The following KRTAP5-7 variants were observed in gnomAD, a reference collection of about 807,000 sequenced individuals.
The protein encoded by KRTAP5-7 is keratin-associated protein 5-7.
Under a neutral mutation model 2.4 loss-of-function variants are expected in KRTAP5-7, and 1 was observed. The ratio of observed to expected loss-of-function variants is 0.42; its 90% CI spans 0.15 to 2.01. KRTAP5-7 has a LOEUF of 2.01. Ranked by LOEUF, KRTAP5-7 falls within the 30% of genes most tolerant of loss-of-function variation. The pLI is 0.29. For missense variants in KRTAP5-7, 161 were observed against 200.8 expected, an observed-to-expected ratio of 0.80 and a Z score of 1.20; for synonymous variants, 55 against 80.8, an observed-to-expected ratio of 0.68 and a Z score of 1.71.
chr11:71,527,383 G>C lies in KRTAP5-7; in HGVS notation c.83G>C (p.Cys28Ser). 5 of 1,612,078 alleles carry C rather than the reference G, an allele frequency of 3.1e-6. No homozygotes were observed. Among genetic ancestry groups the C allele is most frequent in the Non-Finnish European group, 4.2e-6 (5 of 1,179,418 alleles). The change falls in exon 1 of 1, where the codon TGT (cysteine) becomes TCT (serine). Residue 28 changes from cysteine (C) to serine (S), a missense_variant. Coordinates refer to ENST00000398536, the MANE Select transcript of KRTAP5-7 (RefSeq NM_001012503.2). ...GGCTGTGGGGGCTGTGGCTCTGGCT[G>C]TGGGGGATGTGGCTCCAGCTGCTGT... is the stretch of plus-strand genomic sequence containing the variant. ...GSGCGGCGSG[C>S]GGCGSSCCVP...
In KRTAP5-7 at chr11:71,527,929, T is replaced by C; in HGVS notation, c.*131T>C. On this transcript the variant is annotated 3_prime_UTR_variant, in exon 1 of 1. Coordinates refer to ENST00000398536, the MANE Select transcript of KRTAP5-7 (RefSeq NM_001012503.2). The stretch of plus-strand genomic sequence containing the variant: ...ACTATAAGATGAAGCCATATCTGCC[T>C]GCCTTTTCCTAAGGAGAGTCCACCC... 2 of 1,512,464 alleles carry C rather than the reference T, an allele frequency of 1.3e-6. No homozygotes were observed. Among genetic ancestry groups the C allele is most frequent in the East Asian group, 2.3e-5 (1 of 44,114 alleles). 93.7% of individuals were successfully genotyped at this position (1,512,464 alleles called of 1,614,324 possible).
chr11:71,527,819 T>G lies in KRTAP5-7; in HGVS notation c.*21T>G. Reference sequence around the variant, plus strand: ...TCTGAGGCTCTGGACTCAGGTCTCATGTGAGTCCTGCTAACCCCATTTTCC... The same window carrying G: ...TCTGAGGCTCTGGACTCAGGTCTCAGGTGAGTCCTGCTAACCCCATTTTCC... On this transcript the variant is annotated 3_prime_UTR_variant, in exon 1 of 1. Transcript: ENST00000398536. The G allele has an allele frequency of 6.2e-7, 1 of 1,614,112 alleles. No individual in the cohort carries two copies. The highest frequency in any genetic ancestry group is 8.5e-7 in the Non-Finnish European group (1 of 1,179,980).
rs1950005011 is a variant in KRTAP5-7, at chr11:71,528,208, A to T, written c.*410A>T. 3.7e-6 allele frequency: 1 copy of T among 270,820 alleles called. No individual in the cohort carries two copies. Among genetic ancestry groups the T allele is most frequent in the Non-Finnish European group, 7.5e-6 (1 of 134,024 alleles). 16.8% of individuals were successfully genotyped at this position (270,820 alleles called of 1,614,324 possible). ...ACACTCTGCTTTATCTTAAATGAAA[A>T]GTTGCAAACTAATAAAAATACCATG... On this transcript the variant is annotated 3_prime_UTR_variant, in exon 1 of 1. Coordinates refer to ENST00000398536, the MANE Select transcript of KRTAP5-7 (RefSeq NM_001012503.2).
In KRTAP5-7 at chr11:71,527,900, C is replaced by T. The variant is rs779044258; in HGVS notation, c.*102C>T. 14 of 1,581,760 alleles carry T rather than the reference C, an allele frequency of 8.9e-6. No individual in the cohort carries two copies. Among genetic ancestry groups the T allele is most frequent in the Non-Finnish European group, 1.2e-5 (14 of 1,160,706 alleles). On this transcript the variant is annotated 3_prime_UTR_variant, in exon 1 of 1. Transcript: ENST00000398536. ...CCCAAACCACTGCTCAGGGTCCATTCCTCACTATAAGATGAAGCCATATCT... is the reference window on the plus strand; with the variant it reads ...CCCAAACCACTGCTCAGGGTCCATTTCTCACTATAAGATGAAGCCATATCT...
Position 71,527,362 on chromosome 11 carries a change from G to T in KRTAP5-7, c.62G>T (p.Cys21Phe). The change falls in exon 1 of 1, where the codon TGT (cysteine) becomes TTT (phenylalanine). Residue 21 changes from cysteine (C) to phenylalanine (F), a missense_variant. Physicochemically the swap from Cys to Phe is radical, Grantham distance 205. Transcript: ENST00000398536. Reference protein sequence around the residue: ...GSGCGGCGSGCGGCGSGCGGC... With the variant: ...GSGCGGCGSGFGGCGSGCGGC... ...GGCTGTGGGGGCTGTGGCTCCGGCTGTGGGGGCTGTGGCTCTGGCTGTGGG... is the reference window on the plus strand; with the variant it reads ...GGCTGTGGGGGCTGTGGCTCCGGCTTTGGGGGCTGTGGCTCTGGCTGTGGG... 2 of 1,611,870 alleles carry T rather than the reference G, an allele frequency of 1.2e-6. No individual in the cohort carries two copies. Among genetic ancestry groups the T allele is most frequent in the African/African-American group, 2.7e-5 (2 of 74,954 alleles).
rs1176955467 is a variant in KRTAP5-7, at chr11:71,527,887, C to T, written c.*89C>T. ...TTCATCGTTGAGCCCCAAACCACTG[C>T]TCAGGGTCCATTCCTCACTATAAGA... On this transcript the variant is annotated 3_prime_UTR_variant, in exon 1 of 1. Coordinates refer to ENST00000398536, the MANE Select transcript of KRTAP5-7 (RefSeq NM_001012503.2). 2 of 1,593,666 alleles carry T rather than the reference C, an allele frequency of 1.3e-6. No homozygotes were observed. Among genetic ancestry groups the T allele is most frequent in the East Asian group, 2.2e-5 (1 of 44,746 alleles).
rs1269921892 is a variant in KRTAP5-7, at chr11:71,527,999, A to G, written c.*201A>G. 6.6e-6 allele frequency: 7 copies of G among 1,053,924 alleles called. No individual in the cohort carries two copies. The highest frequency in any genetic ancestry group is 2.8e-5 in the Admixed American group (1 of 36,152). The allele number at this position is 1,053,924 out of a possible 1,614,324, so 65.3% of individuals were successfully genotyped here. ...CCTAACAAATTCTCTTCCCAAGTCA[A>G]CTGCAACTGCGGCTGAATCACCCCT... is the stretch of plus-strand genomic sequence containing the variant. On this transcript the variant is annotated 3_prime_UTR_variant, in exon 1 of 1. Coordinates refer to ENST00000398536, the MANE Select transcript of KRTAP5-7 (RefSeq NM_001012503.2).
rs545841783 is a variant in KRTAP5-7, at chr11:71,528,029, C to T, written c.*231C>T. 2.3e-5 allele frequency: 19 copies of T among 839,474 alleles called. No individual in the cohort carries two copies. The highest frequency in any genetic ancestry group is 1.9e-4 in the African/African-American group (11 of 58,192). The allele number at this position is 839,474 out of a possible 1,614,324, so 52.0% of individuals were successfully genotyped here. Reference sequence around the variant, plus strand: ...AACTGCGGCTGAATCACCCCTCACCCGCTAGCCTTGCCTTTGCTTGTGTAT... The same window carrying T: ...AACTGCGGCTGAATCACCCCTCACCTGCTAGCCTTGCCTTTGCTTGTGTAT... On this transcript the variant is annotated 3_prime_UTR_variant, in exon 1 of 1. Coordinates refer to ENST00000398536, the MANE Select transcript of KRTAP5-7 (RefSeq NM_001012503.2).
chr11:71,527,714 A>T lies in KRTAP5-7; in HGVS notation c.414A>T (p.Ser138=). The stretch of plus-strand genomic sequence containing the variant: ...GCTGCTGTTCCTCAGGCTGTGGGTC[A>T]TCCTGCTGCCAGTCCAGTTGCTGCA... ...KPCCCSSGCG[S]SCCQSSCCNP... The change falls in exon 1 of 1, where the codon TCA becomes TCT. Residue 138 remains serine (S), a synonymous_variant. Transcript: ENST00000398536. 2 of 929,318 alleles carry T rather than the reference A, an allele frequency of 2.2e-6. No homozygotes were observed. Among genetic ancestry groups the T allele is most frequent in the Non-Finnish European group, 2.8e-6 (2 of 705,508 alleles). 57.6% of individuals were successfully genotyped at this position (929,318 alleles called of 1,614,324 possible). A position where few individuals can be genotyped will look rare whatever the true frequency, so the allele number is the denominator to read the frequency against.
rs774184691 is a variant in KRTAP5-7, at chr11:71,527,362, G to A, written c.62G>A (p.Cys21Tyr). 16 of 1,611,752 alleles carry A rather than the reference G, an allele frequency of 9.9e-6. No individual in the cohort carries two copies. In the African/African-American group the frequency reaches 1.6e-4, roughly 16 times the overall value. The change falls in exon 1 of 1, where the codon TGT (cysteine) becomes TAT (tyrosine). Residue 21 changes from cysteine (C) to tyrosine (Y), a missense_variant. This residue lies in a region of KRTAP5-7 where 116 missense variants were observed against 113.7 expected (regional missense o/e 1.02). Coordinates refer to ENST00000398536, the MANE Select transcript of KRTAP5-7 (RefSeq NM_001012503.2). ...GGCTGTGGGGGCTGTGGCTCCGGCT[G>A]TGGGGGCTGTGGCTCTGGCTGTGGG... ...GSGCGGCGSG[C>Y]GGCGSGCGGC... is the part of the protein sequence containing the mutation.
chr11:71,528,245 A>T lies in KRTAP5-7; in HGVS notation c.*447A>T. 8.0e-6 allele frequency: 2 copies of T among 251,140 alleles called. No homozygotes were observed. Among genetic ancestry groups the T allele is most frequent in the Non-Finnish European group, 8.3e-6 (1 of 120,744 alleles). The allele number at this position is 251,140 out of a possible 1,614,324, so 15.6% of individuals were successfully genotyped here. On this transcript the variant is annotated 3_prime_UTR_variant, in exon 1 of 1. Transcript: ENST00000398536. ...ATAAAAATACCATGCCGACAAACTG[A>T]AACACATATCTTGCTGATTTCTCTG...
chr11:71,527,822 G>A lies in KRTAP5-7; in HGVS notation c.*24G>A. On this transcript the variant is annotated 3_prime_UTR_variant, in exon 1 of 1. Transcript: ENST00000398536. ...GAGGCTCTGGACTCAGGTCTCATGT[G>A]AGTCCTGCTAACCCCATTTTCCGAA... 1 of 1,614,026 alleles carries A rather than the reference G, an allele frequency of 6.2e-7. No homozygotes were observed.
chr11:71,527,277 C>G lies in KRTAP5-7; in HGVS notation c.-24C>G, dbSNP rs1241965579. 2 of 1,613,142 alleles carry G rather than the reference C, an allele frequency of 1.2e-6. No homozygotes were observed. Among genetic ancestry groups the G allele is most frequent in the Non-Finnish European group, 1.7e-6 (2 of 1,180,012 alleles). ...TCCCTCTCACCTGCTCCTCTACCTGCTCCACCCTCAATCCACCAGAACCAT... is the reference window on the plus strand; with the variant it reads ...TCCCTCTCACCTGCTCCTCTACCTGGTCCACCCTCAATCCACCAGAACCAT... On this transcript the variant is annotated 5_prime_UTR_variant, in exon 1 of 1. Coordinates refer to ENST00000398536, the MANE Select transcript of KRTAP5-7 (RefSeq NM_001012503.2).
Position 71,528,231 on chromosome 11 carries a change from A to C in KRTAP5-7, c.*433A>C. On this transcript the variant is annotated 3_prime_UTR_variant, in exon 1 of 1. Coordinates refer to ENST00000398536, the MANE Select transcript of KRTAP5-7 (RefSeq NM_001012503.2). ...AAAGTTGCAAACTAATAAAAATACC[A>C]TGCCGACAAACTGAAACACATATCT... is the stretch of plus-strand genomic sequence containing the variant. The C allele has an allele frequency of 2.8e-5, 7 of 246,348 alleles. No homozygotes were observed. Among genetic ancestry groups the C allele is most frequent in the East Asian group, 1.0e-4 (1 of 9,754 alleles). 15.3% of individuals were successfully genotyped at this position (246,348 alleles called of 1,614,324 possible).
In KRTAP5-7 at chr11:71,527,905, C is replaced by A. The variant is rs1414621234; in HGVS notation, c.*107C>A. On this transcript the variant is annotated 3_prime_UTR_variant, in exon 1 of 1. Coordinates refer to ENST00000398536, the MANE Select transcript of KRTAP5-7 (RefSeq NM_001012503.2). ...ACCACTGCTCAGGGTCCATTCCTCA[C>A]TATAAGATGAAGCCATATCTGCCTG... 1.3e-6 allele frequency: 2 copies of A among 1,571,212 alleles called. No individual in the cohort carries two copies. Among genetic ancestry groups the A allele is most frequent in the African/African-American group, 2.7e-5 (2 of 74,244 alleles).
Position 71,528,479 on chromosome 11 carries a change from G to T in KRTAP5-7, c.*681G>T, listed in dbSNP as rs1950006273. 1.8e-5 allele frequency: 3 copies of T among 169,374 alleles called. No individual in the cohort carries two copies. 10.5% of individuals were successfully genotyped at this position (169,374 alleles called of 1,614,324 possible). A position where few individuals can be genotyped will look rare whatever the true frequency, so the allele number is the denominator to read the frequency against. On this transcript the variant is annotated 3_prime_UTR_variant, in exon 1 of 1. Coordinates refer to ENST00000398536, the MANE Select transcript of KRTAP5-7 (RefSeq NM_001012503.2). ...CCAGCTATTGATCTGATGGAGACAG[G>T]ACTGTTCCTCAGGCCAGGGCCACAG... is the stretch of plus-strand genomic sequence containing the variant.
Position 71,528,214 on chromosome 11 carries a change from A to AC in KRTAP5-7, c.*416_*417insC, listed in dbSNP as rs1950005049. 7.6e-6 allele frequency: 2 copies of AC among 263,942 alleles called. No individual in the cohort carries two copies. Among genetic ancestry groups the AC allele is most frequent in the Admixed American group, 1.0e-4 (2 of 19,958 alleles). 16.4% of individuals were successfully genotyped at this position (263,942 alleles called of 1,614,324 possible). A position where few individuals can be genotyped will look rare whatever the true frequency, so the allele number is the denominator to read the frequency against. ...TGCTTTATCTTAAATGAAAAGTTGC[A>AC]AACTAATAAAAATACCATGCCGACA... is the stretch of plus-strand genomic sequence containing the variant. On this transcript the variant is annotated 3_prime_UTR_variant, in exon 1 of 1. Transcript: ENST00000398536.
In KRTAP5-7 at chr11:71,527,412, C is replaced by G; in HGVS notation, c.112C>G (p.Pro38Ala). Residue 38 changes from proline to alanine, a missense_variant, in exon 1 of 1, where the codon CCC (proline) becomes GCC (alanine). Coordinates refer to ENST00000398536, the MANE Select transcript of KRTAP5-7 (RefSeq NM_001012503.2). Reference sequence around the variant, plus strand: ...GGGATGTGGCTCCAGCTGCTGTGTGCCCGTCTGCTGCTGCAAGCCCGTGTG... The same window carrying G: ...GGGATGTGGCTCCAGCTGCTGTGTGGCCGTCTGCTGCTGCAAGCCCGTGTG... ...CGGCGSSCCV[P>A]VCCCKPVCCC... 2.5e-6 allele frequency: 4 copies of G among 1,611,320 alleles called. No individual in the cohort carries two copies. The highest frequency in any genetic ancestry group is 3.4e-6 in the Non-Finnish European group (4 of 1,179,260).
chr11:71,527,329 G>A lies in KRTAP5-7; in HGVS notation c.29G>A (p.Cys10Tyr). 10 of 1,612,042 alleles carry A rather than the reference G, an allele frequency of 6.2e-6. No individual in the cohort carries two copies. The highest frequency in any genetic ancestry group is 7.6e-6 in the Non-Finnish European group (9 of 1,179,118). MGCCGCSEG[C>Y]GSGCGGCGSG... is the part of the protein sequence containing the mutation. ...GGCTGCTGTGGCTGTTCCGAAGGCT[G>A]TGGCTCCGGCTGTGGGGGCTGTGGC... Residue 10 changes from cysteine to tyrosine, a missense_variant, in exon 1 of 1, where the codon TGT (cysteine) becomes TAT (tyrosine). Around this residue, in one of 4 missense-constraint regions of KRTAP5-7, gnomAD observed 116 missense variants for 113.7 expected, o/e 1.02. Coordinates refer to ENST00000398536, the MANE Select transcript of KRTAP5-7 (RefSeq NM_001012503.2).
Sources: gnomAD v4.1 joint callset for allele counts on GRCh38, gnomAD v4.1.1 for gene constraint, gnomAD v4.1.1 regional missense constraint, MANE v1.5 for transcripts, NCBI Gene and HGNC (gene_info 2026-07-23, HGNC 2026-07-21) for gene names.